The following CDK17 variants were observed in gnomAD, a reference collection of about 807,000 sequenced individuals.
CDK17 encodes cyclin-dependent kinase 17.
CDK17 carries 24 observed loss-of-function variants against 77.6 expected under a neutral mutation model. The ratio of observed to expected loss-of-function variants is 0.31; its 90% CI spans 0.22 to 0.44. The LOEUF (loss-of-function observed/expected upper bound fraction) is 0.44, where lower values mean the gene tolerates loss of function less well. CDK17 is among the 20% of genes least tolerant of loss of function. The pLI, the probability that CDK17 is intolerant of heterozygous loss-of-function variation, is 1.00. For missense variants in CDK17, 429 were observed against 622.5 expected (o/e 0.69, Z 3.31); for synonymous variants, 203 against 210.4 (o/e 0.96, Z 0.30).
chr12:96,326,337 C>T (rs533626467), intron 2 of CDK17, among the ~76,000 whole-genome samples: 2 of 152,278 alleles, frequency 1.3e-5, no homozygotes, highest in South Asian at 4.1e-4. Context: ...CACACGAAGT[C>T]AGGTAATGAC....
intron 1 of CDK17, among the ~76,000 whole-genome samples, chr12:96,373,620 G>T (rs992218788): frequency 4.7e-5 from 7 of 149,488 alleles, no homozygotes; most frequent in Non-Finnish European, 1.0e-4. Context: ...AGAGAGAAAA[G>T]AATTAACAAT....
intron 1 of CDK17, among the ~76,000 whole-genome samples, chr12:96,359,579 T>G (rs1387592567): frequency 1.3e-5 from 2 of 152,234 alleles, no homozygotes; most frequent in Non-Finnish European, 2.9e-5. Context: ...TGGCCATGCC[T>G]AATTTCAAGT....
At chr12:96,381,637 TATAAGA>T (rs1953884484) in intron 1 of CDK17, among the ~76,000 whole-genome samples, 1 of 151,792 alleles carries the variant, frequency 6.6e-6, no homozygotes, top group African/African-American at 2.4e-5. Context: ...AAAATACATA[TATAAGA>T]ATATCAAAAT....
At chr12:96,328,366 T>C (rs1389404070) in intron 2 of CDK17, among the ~76,000 whole-genome samples, 1 of 152,046 alleles carries the variant, frequency 6.6e-6, no homozygotes, top group South Asian at 2.1e-4. Context: ...ATAAATATAC[T>C]ATGCTTGAAT....
At chr12:96,326,186 G>A (rs1215062088) in intron 2 of CDK17, among the ~76,000 whole-genome samples, 1 of 152,104 alleles carries the variant, frequency 6.6e-6, no homozygotes, top group Non-Finnish European at 1.5e-5. Context: ...CAGCTTGATT[G>A]TTCTGGAGAA....
rs574969856 is a variant in CDK17, at chr12:96,299,539, C to T, written c.601-556G>A. On this transcript the variant is annotated intron_variant, in intron 6 of 16. Transcript: ENST00000261211. The stretch of plus-strand genomic sequence containing the variant: ...CCGAGTAGCTGGGATTACAGGCGCC[C>T]GCCACCACGCCCAGCTAATTTTTGT... 5.9e-5 allele frequency among the ~76,000 whole-genome samples: 9 copies of T among 152,042 alleles called. No individual in the cohort carries two copies. In the East Asian group the frequency reaches 1.2e-3, roughly 20 times the overall value.
At chr12:96,350,746 A>G (rs1953298118) in intron 1 of CDK17, among the ~76,000 whole-genome samples, 1 of 152,200 alleles carries the variant, frequency 6.6e-6, no homozygotes, top group East Asian at 1.9e-4. Context: ...GCCTAAATAT[A>G]AGAGTTAAAA....
At position 96,298,311 on chromosome 12, in the gene CDK17, A is replaced by G. The variant is rs570627283; in HGVS notation, c.715+558T>C. Among the ~76,000 whole-genome samples the G allele has an allele frequency of 2.6e-5, 4 of 152,194 alleles. No individual in the cohort carries two copies. In the South Asian group the frequency reaches 8.3e-4, roughly 32 times the overall value. On this transcript the variant is annotated intron_variant, in intron 7 of 16. Coordinates refer to ENST00000261211, the MANE Select transcript of CDK17 (RefSeq NM_002595.5). ...CAAAAAAAAAAAAAAGTTCATGGAAATCAATTTTTTCTTTTATACTACTGG... is the reference window on the plus strand; with the variant it reads ...CAAAAAAAAAAAAAAGTTCATGGAAGTCAATTTTTTCTTTTATACTACTGG...
At chr12:96,390,525 ATGGTGAAACATGGT>A (rs1954050165) in intron 1 of CDK17, among the ~76,000 whole-genome samples, 1 of 149,464 alleles carries the variant, frequency 6.7e-6, no homozygotes, top group Non-Finnish European at 1.5e-5. Flanking sequence ...CCTGCCCAAC[ATGGTGAAACATGGT>A]CTCCACTAAA....
intron 1 of CDK17, among the ~76,000 whole-genome samples, chr12:96,353,334 A>G (rs1403137614): frequency 2.6e-5 from 4 of 152,204 alleles, no homozygotes; most frequent in African/African-American, 9.7e-5. Context: ...GATGTTTACT[A>G]TTCCATTGTA....
In CDK17 at chr12:96,361,516, G is replaced by A. The variant is rs148189299; in HGVS notation, c.-29-26651C>T. ...AAGGAAAATAGCTTAATACCTGTAT[G>A]ATTTTATTTCTCCATTTTAAATATT... On this transcript the variant is annotated intron_variant, in intron 1 of 16. Coordinates refer to ENST00000261211, the MANE Select transcript of CDK17 (RefSeq NM_002595.5). 3.5e-3 allele frequency among the ~76,000 whole-genome samples: 538 copies of A among 152,246 alleles called. 1 individual carries two copies. Among genetic ancestry groups the A allele is most frequent in the African/African-American group, 0.012 (508 of 41,544 alleles).
chr12:96,312,675 G>A (rs1304663960), intron 4 of CDK17, among the ~76,000 whole-genome samples: 8 of 151,160 alleles, frequency 5.3e-5, no homozygotes, highest in African/African-American at 1.9e-4. Context: ...ATTTTTTTTT[G>A]CAGAAACCTA....
Position 96,289,305 on chromosome 12 carries a change from A to G in CDK17, c.998-18T>C, listed in dbSNP as rs201520694. The G allele has an allele frequency of 5.0e-6, 8 of 1,613,420 alleles. No individual in the cohort carries two copies. The highest frequency in any genetic ancestry group is 3.3e-5 in the Admixed American group (2 of 59,994). On this transcript the variant is annotated intron_variant, in intron 10 of 16. Transcript: ENST00000261211. ...GGCTAGTCCTTCATAGGGAAAATAA[A>G]ACAAAGGGTTAAGAAAAAGCTTTAA... is the stretch of plus-strand genomic sequence containing the variant.
At chr12:96,293,421 T>A (rs994775567) in intron 10 of CDK17, among the ~76,000 whole-genome samples, 1 of 152,136 alleles carries the variant, frequency 6.6e-6, no homozygotes, top group African/African-American at 2.4e-5. Context: ...TTGATACATA[T>A]CACAATATGT....
At chr12:96,308,751 A>ATAATAATAATAATAATAATAG (rs1555200770) in intron 5 of CDK17, among the ~76,000 whole-genome samples, 60 of 147,738 alleles carry the variant, frequency 4.1e-4, no homozygotes, top group South Asian at 1.7e-3. Flanking sequence ...AATAATAATA[A>ATAATAATAATAATAATAATAG]TAATAATAAT....
intron 4 of CDK17, among the ~76,000 whole-genome samples, chr12:96,312,443 A>T (rs1565814860): frequency 6.6e-6 from 1 of 152,222 alleles, no homozygotes; most frequent in Non-Finnish European, 1.5e-5. Context: ...AGGTGAAGAA[A>T]AATAAGAAAT....
chr12:96,320,424 CA>C (rs1260846698), intron 3 of CDK17, among the ~76,000 whole-genome samples: 1 of 149,474 alleles, frequency 6.7e-6, no homozygotes, highest in Non-Finnish European at 1.5e-5. Flanking sequence ...ATCAAGCTAC[CA>C]ATGACTTTCT....
intron 14 of CDK17, among the ~76,000 whole-genome samples, chr12:96,283,134 T>C (rs973644133): frequency 3.9e-5 from 6 of 152,204 alleles, no homozygotes; most frequent in African/African-American, 1.4e-4. Context: ...ATTAATGTTC[T>C]GGCCAATAAG....
chr12:96,356,820 T>G (rs1953401095), intron 1 of CDK17, among the ~76,000 whole-genome samples: 1 of 152,262 alleles, frequency 6.6e-6, no homozygotes, highest in Non-Finnish European at 1.5e-5. Context: ...AACTGAAACT[T>G]ATTTTCATTA....
Sources: gnomAD v4.1 joint callset for allele counts (sites outside exome capture counted in the v4.1 genomes callset) on GRCh38, gnomAD v4.1.1 for gene constraint, MANE v1.5 for transcripts, NCBI Gene and HGNC (gene_info 2026-07-23, HGNC 2026-07-21) for gene names.